Variants in HDGFL3 observed in about 807,000 individuals in gnomAD.
The protein encoded by HDGFL3 is HDGF like 3.
A neutral mutation model predicts 27.6 loss-of-function variants in HDGFL3; 6 were observed. The ratio of observed to expected loss-of-function variants is 0.22; its 90% CI spans 0.12 to 0.43. The LOEUF is 0.43. Ranked by LOEUF, HDGFL3 falls within the 20% of genes least tolerant of loss-of-function variation. The pLI, the probability that HDGFL3 is intolerant of heterozygous loss-of-function variation, is 1.00. For missense variants in HDGFL3, 207 were observed against 250.1 expected, an observed-to-expected ratio of 0.83 and a Z score of 1.16; for synonymous variants, 88 against 88.9, an observed-to-expected ratio of 0.99 and a Z score of 0.05.
At chr15:83,194,771 C>T (rs1008736238) in intron 1 of HDGFL3, among the ~76,000 whole-genome samples, 6 of 152,098 alleles carry the variant, frequency 3.9e-5, no homozygotes, top group African/African-American at 1.4e-4. Context: ...GTGCAGCTCC[C>T]TTCCACTTAC....
At chr15:83,192,019 GCAACCCCTGT>G (rs1278714984) in intron 1 of HDGFL3, among the ~76,000 whole-genome samples, 1 of 138,046 alleles carries the variant, frequency 7.2e-6, no homozygotes, top group Non-Finnish European at 1.5e-5. Context: ...CCAGCTCACT[GCAACCCCTGT>G]CTCCCAGGTT....
chr15:83,195,480 T>C (rs1413057788), intron 1 of HDGFL3, among the ~76,000 whole-genome samples: 1 of 152,114 alleles, frequency 6.6e-6, no homozygotes, highest in Non-Finnish European at 1.5e-5. Flanking sequence ...CTTGTATTCC[T>C]CTATGTACAT....
At chr15:83,205,340 G>A (rs1353785499) in intron 1 of HDGFL3, among the ~76,000 whole-genome samples, 1 of 152,100 alleles carries the variant, frequency 6.6e-6, no homozygotes, top group African/African-American at 2.4e-5. Flanking sequence ...TTGAGTCTTA[G>A]GTTGTTTCTT....
intron 1 of HDGFL3, chr15:83,189,345 G>A (rs2037483242): frequency 6.6e-6 from 1 of 152,172 alleles, no homozygotes; most frequent in South Asian, 2.1e-4. Flanking sequence ...TACATGATAT[G>A]GCTTTGTCTA....
chr15:83,206,333 C>T (rs142067036), intron 1 of HDGFL3, among the ~76,000 whole-genome samples: 11 of 152,202 alleles, frequency 7.2e-5, no homozygotes, highest in African/African-American at 2.6e-4. Flanking sequence ...CTAAAGAATA[C>T]CAATATAATC....
At chr15:83,193,117 T>G (rs551675761) in intron 1 of HDGFL3, among the ~76,000 whole-genome samples, 1 of 152,084 alleles carries the variant, frequency 6.6e-6, no homozygotes, top group South Asian at 2.1e-4. Flanking sequence ...TAAATTACAA[T>G]AAGCACAAAA....
At position 83,157,457 on chromosome 15, in the gene HDGFL3, ATTC is replaced by A. The variant is rs2037046152; in HGVS notation, c.414_416del (p.Lys138del). On this transcript the variant is annotated inframe_deletion, in exon 4 of 6. Transcript: ENST00000299633. The stretch of plus-strand genomic sequence containing the variant: ...TTTTCCGTTTTGAGCCTGCTTTTTC[ATTC>A]TTTCTTTTGCCTTTTCCATCTTCTT... 3 of 1,613,546 alleles carry A rather than the reference ATTC, an allele frequency of 1.9e-6. No individual in the cohort carries two copies. The highest frequency in any genetic ancestry group is 2.5e-6 in the Non-Finnish European group (3 of 1,179,678).
exon 4 of HDGFL3, chr15:83,114,625 C>A (rs1306726114): frequency 1.3e-5 from 2 of 152,656 alleles, no homozygotes; most frequent in African/African-American, 4.8e-5. Context: ...CTGCTGACTC[C>A]AGGCAAGGCC....
chr15:83,169,492 T>TTA (rs921437599), intron 1 of HDGFL3, among the ~76,000 whole-genome samples: 30 of 146,630 alleles, frequency 2.0e-4, no homozygotes, highest in African/African-American at 7.3e-4. Flanking sequence ...TCTTCGCTGA[T>TTA]GATAGAGTCT....
rs1399571212 is a variant in HDGFL3, at chr15:83,133,288, T to A, written c.*5982A>T. On this transcript the variant is annotated 3_prime_UTR_variant, in exon 6 of 6. Transcript: ENST00000299633. ...CAAAAGACCCTGGCTATCATCCCAA[T>A]GGTCACCTAAGTTTTCTGCCTATAA... The A allele has an allele frequency of 1.3e-5, 2 of 152,258 alleles. No individual in the cohort carries two copies. The highest frequency in any genetic ancestry group is 3.8e-4 in the East Asian group (2 of 5,200). The allele number at this position is 152,258 out of a possible 1,614,324, so 9.4% of individuals were successfully genotyped here.
At chr15:83,182,823 A>G (rs542473803) in intron 1 of HDGFL3, among the ~76,000 whole-genome samples, 1 of 152,306 alleles carries the variant, frequency 6.6e-6, no homozygotes, top group East Asian at 1.9e-4. Context: ...GAAGTAAATT[A>G]ATGTCTGCAA....
In HDGFL3 at chr15:83,135,217, A is replaced by T. The variant is rs1414146423; in HGVS notation, c.*4053T>A. 6.6e-6 allele frequency: 1 copy of T among 152,260 alleles called. No individual in the cohort carries two copies. The highest frequency in any genetic ancestry group is 1.5e-5 in the Non-Finnish European group (1 of 68,046). 9.4% of individuals were successfully genotyped at this position (152,260 alleles called of 1,614,324 possible). A position where few individuals can be genotyped will look rare whatever the true frequency, so the allele number is the denominator to read the frequency against. ...TATCTGCCACTGATAAAAAATTCATAAAGATGCTGCTTAAAAAAACTTGTC... is the reference window on the plus strand; with the variant it reads ...TATCTGCCACTGATAAAAAATTCATTAAGATGCTGCTTAAAAAAACTTGTC... On this transcript the variant is annotated 3_prime_UTR_variant, in exon 6 of 6. Transcript: ENST00000299633.
intron 4 of HDGFL3, among the ~76,000 whole-genome samples, chr15:83,151,796 G>T (rs2036966808): frequency 6.6e-6 from 1 of 152,190 alleles, no homozygotes; most frequent in Non-Finnish European, 1.5e-5. Context: ...CTATCCAAGA[G>T]AATATATAGA....
rs185569318 is a variant in HDGFL3 at position 83,113,622 on chromosome 15, C to T, written c.*2087G>A. 3.9e-5 allele frequency: 6 copies of T among 152,580 alleles called. No homozygotes were observed. In the East Asian group the frequency reaches 1.2e-3, roughly 29 times the overall value. 9.5% of individuals were successfully genotyped at this position (152,580 alleles called of 1,614,324 possible). On this transcript the variant is annotated 3_prime_UTR_variant, in exon 4 of 4. Transcript: ENST00000568294. ...ATCAAATGCACCCCAAGTCCTACAGCAACAAACATTTATTTTTCTTGCTCA... is the reference window on the plus strand; with the variant it reads ...ATCAAATGCACCCCAAGTCCTACAGTAACAAACATTTATTTTTCTTGCTCA...
Position 83,129,090 on chromosome 15 carries a change from A to C in HDGFL3, c.*10180T>G, listed in dbSNP as rs2036015394. The C allele has an allele frequency of 6.6e-6, 1 of 152,116 alleles. No individual in the cohort carries two copies. The highest frequency in any genetic ancestry group is 6.5e-5 in the Admixed American group (1 of 15,276). The allele number at this position is 152,116 out of a possible 1,614,324, so 9.4% of individuals were successfully genotyped here. A position where few individuals can be genotyped will look rare whatever the true frequency, so the allele number is the denominator to read the frequency against. On this transcript the variant is annotated 3_prime_UTR_variant, in exon 6 of 6. Coordinates refer to ENST00000299633, the MANE Select transcript of HDGFL3 (RefSeq NM_016073.4). The stretch of plus-strand genomic sequence containing the variant: ...AGTAATCCTCCTGCCTCAGCCTCCC[A>C]AAGTGGTAGGATTACAGGTGTGAGC...
chr15:83,157,850 C>A (rs1167358134), intron 3 of HDGFL3, 53 bp downstream of exon 3: 8 of 1,537,136 alleles, frequency 5.2e-6, no homozygotes, highest in African/African-American at 1.4e-5. Context: ...TTTGAAAAAG[C>A]GTTAAAACCA....
intron 3 of HDGFL3, among the ~76,000 whole-genome samples, chr15:83,118,865 G>A (rs1391366305): frequency 6.6e-6 from 1 of 152,186 alleles, no homozygotes; most frequent in Non-Finnish European, 1.5e-5. Flanking sequence ...AAAGGGAAAT[G>A]TAGTTCGTCA....
In HDGFL3 at chr15:83,119,611, A is replaced by G. The variant is rs931129544; in HGVS notation, c.394-3870T>C. On this transcript the variant is annotated intron_variant, in intron 3 of 3. Transcript: ENST00000568294. ...GTATCTGAACACCGCATATGGGCACATGATCTGCTACTGGGATGGCTCTGC... is the reference window on the plus strand; with the variant it reads ...GTATCTGAACACCGCATATGGGCACGTGATCTGCTACTGGGATGGCTCTGC... The G allele has an allele frequency of 4.3e-6, 7 of 1,614,242 alleles. No individual in the cohort carries two copies. The Admixed American group carries it at 5.0e-5, about 12-fold the overall frequency.
At chr15:83,120,049 A>G (rs1489301447) in intron 3 of HDGFL3, 2 of 226,268 alleles carry the variant, frequency 8.8e-6, no homozygotes, top group East Asian at 2.1e-4. Context: ...CCTTCCCCAG[A>G]TCAGGCACAG....
Sources: gnomAD v4.1 joint callset for allele counts (sites outside exome capture counted in the v4.1 genomes callset) on GRCh38, gnomAD v4.1.1 for gene constraint, MANE v1.5 for transcripts, NCBI Gene and HGNC (gene_info 2026-07-23, HGNC 2026-07-21) for gene names.